The following PLEKHA2 variants were observed in gnomAD, a reference collection of about 807,000 sequenced individuals.
PLEKHA2 encodes pleckstrin homology domain-containing family A member 2.
PLEKHA2 carries 28 observed loss-of-function variants against 53.2 expected under a neutral mutation model. That is an observed-to-expected ratio of 0.53 (90% CI 0.39 to 0.72). PLEKHA2 has a LOEUF of 0.72. Among genes scored for constraint, PLEKHA2 ranks in the 30% least tolerant of loss-of-function variants. PLEKHA2 has a pLI of 0.00. For missense variants in PLEKHA2, 426 were observed against 537.9 expected (o/e 0.79, Z 2.06); for synonymous variants, 193 against 196.4 (o/e 0.98, Z 0.14).
intron 3 of PLEKHA2, among the ~76,000 whole-genome samples, chr8:38,940,780 G>A (rs1834596356): frequency 6.6e-6 from 1 of 151,954 alleles, no homozygotes; most frequent in African/African-American, 2.4e-5. Context: ...GTCCGAACTT[G>A]GGATAAGCGG....
At chr8:38,955,768 G>T (rs979692407) in intron 9 of PLEKHA2, among the ~76,000 whole-genome samples, 1 of 152,040 alleles carries the variant, frequency 6.6e-6, no homozygotes, top group African/African-American at 2.4e-5. Flanking sequence ...TCCAACTCTT[G>T]GCATATAACA....
At chr8:38,925,146 A>G (rs1162064474) in intron 2 of PLEKHA2, among the ~76,000 whole-genome samples, 1 of 152,220 alleles carries the variant, frequency 6.6e-6, no homozygotes, top group African/African-American at 2.4e-5. Flanking sequence ...GAACTTCTTC[A>G]TCTTGCATGC....
At chr8:38,928,529 A>G (rs1475755905) in intron 2 of PLEKHA2, among the ~76,000 whole-genome samples, 3 of 151,938 alleles carry the variant, frequency 2.0e-5, no homozygotes, top group Non-Finnish European at 4.4e-5. Flanking sequence ...GATTACAGGC[A>G]TGAATCACCG....
intron 1 of PLEKHA2, among the ~76,000 whole-genome samples, chr8:38,907,266 A>T (rs1355443423): frequency 2.0e-5 from 3 of 152,158 alleles, no homozygotes; most frequent in Non-Finnish European, 4.4e-5. Flanking sequence ...GGTTGTAGTA[A>T]TTTTGTACTT....
chr8:38,957,220 C>T, intron 9 of PLEKHA2, 103 bp from the exon 10 acceptor site: 1 of 830,114 alleles, frequency 1.2e-6, no homozygotes, highest in East Asian at 2.5e-5. Flanking sequence ...ACCCCCCACC[C>T]ATCTTCCTTT....
At chr8:38,923,480 T>A (rs1834228730) in intron 2 of PLEKHA2, among the ~76,000 whole-genome samples, 1 of 152,208 alleles carries the variant, frequency 6.6e-6, no homozygotes, top group Non-Finnish European at 1.5e-5. Context: ...GTGCTGGGAT[T>A]ACAGGCATGA....
At position 38,936,051 on chromosome 8, in the gene PLEKHA2, G is replaced by A; in HGVS notation, c.198+1G>A. Reference sequence around the variant, plus strand: ...TTTGCAGCTGACCTACATCTCGAAGGTAATGTTGACCTGGAACTCTGGGAA... The same window carrying A: ...TTTGCAGCTGACCTACATCTCGAAGATAATGTTGACCTGGAACTCTGGGAA... On this transcript the variant is annotated splice_donor_variant, in intron 3 of 11. Coordinates refer to ENST00000617275, the MANE Select transcript of PLEKHA2 (RefSeq NM_021623.2). LOFTEE classifies it high-confidence loss of function. 6.2e-7 allele frequency: 1 copy of A among 1,613,228 alleles called. No homozygotes were observed. The highest frequency in any genetic ancestry group is 8.5e-7 in the Non-Finnish European group (1 of 1,179,322).
rs532358931 is a variant in PLEKHA2, at chr8:38,954,659, G to A, written c.773+1292G>A. ...TGGCCTCCCTGGAACCCAGTCCAGG[G>A]TTTTAGGATATCTTGATAATCAATT... On this transcript the variant is annotated intron_variant, in intron 9 of 11. Transcript: ENST00000617275. Among the ~76,000 whole-genome samples, 117 of 152,248 alleles carry A rather than the reference G, an allele frequency of 7.7e-4. 1 individual carries two copies. The highest frequency in any genetic ancestry group is 2.6e-3 in the African/African-American group (109 of 41,544).
chr8:38,966,225 G>C (rs1178147420), intron 10 of PLEKHA2, among the ~76,000 whole-genome samples: 1 of 151,908 alleles, frequency 6.6e-6, no homozygotes, highest in African/African-American at 2.4e-5. Context: ...GTGACAGGAA[G>C]GGGTAGGGAT....
At chr8:38,936,187 C>T (rs1455721813) in intron 3 of PLEKHA2, 137 bp downstream of exon 3, 2 of 923,366 alleles carry the variant, frequency 2.2e-6, no homozygotes, top group East Asian at 2.7e-5. Context: ...TGAACCCACA[C>T]AATGCCTGTG....
chr8:38,908,167 A>T (rs1833906237), intron 1 of PLEKHA2, among the ~76,000 whole-genome samples: 1 of 152,166 alleles, frequency 6.6e-6, no homozygotes, highest in Non-Finnish European at 1.5e-5. Flanking sequence ...AGCAGCATCG[A>T]CTTGGGACTG....
At chr8:38,946,008 G>A (rs1309469707) in intron 4 of PLEKHA2, 116 bp from the exon 5 acceptor site, 23 of 778,862 alleles carry the variant, frequency 3.0e-5, no homozygotes, top group Non-Finnish European at 4.5e-5. Flanking sequence ...TTCTTGTTCT[G>A]CTTTGTGGAG....
At chr8:38,908,734 C>A (rs1180629274) in intron 1 of PLEKHA2, among the ~76,000 whole-genome samples, 1 of 152,224 alleles carries the variant, frequency 6.6e-6, no homozygotes, top group Non-Finnish European at 1.5e-5. Flanking sequence ...CATTTCATAT[C>A]TTTTAAAAAA....
chr8:38,913,654 A>G (rs1313882802), intron 1 of PLEKHA2, among the ~76,000 whole-genome samples: 2 of 152,280 alleles, frequency 1.3e-5, no homozygotes, highest in East Asian at 3.9e-4. Flanking sequence ...GCAGCTCTGC[A>G]CCCTTCCCGG....
At chr8:38,940,605 G>A (rs1034602624) in intron 3 of PLEKHA2, among the ~76,000 whole-genome samples, 2 of 142,822 alleles carry the variant, frequency 1.4e-5, no homozygotes, top group South Asian at 2.3e-4. Context: ...TAACACTCAG[G>A]TGTAAGCAGG....
intron 1 of PLEKHA2, among the ~76,000 whole-genome samples, chr8:38,914,273 A>G (rs1473230987): frequency 6.6e-6 from 1 of 152,246 alleles, no homozygotes; most frequent in East Asian, 1.9e-4. Context: ...AGTCACTGGT[A>G]TCCATATGTG....
chr8:38,939,365 A>G (rs757538554), intron 3 of PLEKHA2, among the ~76,000 whole-genome samples: 1 of 149,100 alleles, frequency 6.7e-6, no homozygotes, highest in Non-Finnish European at 1.5e-5. Context: ...CAGTGAGCCA[A>G]TCAGGGCAGA....
intron 10 of PLEKHA2, among the ~76,000 whole-genome samples, chr8:38,964,211 C>G (rs1276909528): frequency 6.6e-6 from 1 of 152,076 alleles, no homozygotes; most frequent in Non-Finnish European, 1.5e-5. Context: ...CAGCATTATT[C>G]ATATGAGGAG....
intron 3 of PLEKHA2, 94 bp from the exon 4 acceptor site, chr8:38,943,695 A>C (rs1240584484): frequency 4.3e-6 from 4 of 921,852 alleles, no homozygotes; most frequent in South Asian, 1.7e-5. Flanking sequence ...ACATATGTTT[A>C]ATGTACTCTT....
Sources: gnomAD v4.1 joint callset for allele counts (sites outside exome capture counted in the v4.1 genomes callset) on GRCh38, gnomAD v4.1.1 for gene constraint, MANE v1.5 for transcripts, NCBI Gene and HGNC (gene_info 2026-07-23, HGNC 2026-07-21) for gene names.